Variants in TJP3 observed in about 807,000 individuals in gnomAD.
The protein encoded by TJP3 is tight junction protein ZO-3.
TJP3 carries 85 observed loss-of-function variants against 104.2 expected under a neutral mutation model. The ratio of observed to expected loss-of-function variants is 0.82; its 90% CI spans 0.68 to 0.98. TJP3 has a LOEUF of 0.98. Ranked by LOEUF, TJP3 falls within the 50% of genes least tolerant of loss-of-function variation. The probability of loss-of-function intolerance (pLI) is 0.00; values close to 1 mark genes in which losing one functional copy is unlikely to be tolerated. For missense variants in TJP3, 1,367 were observed against 1,322.8 expected, an observed-to-expected ratio of 1.03 and a Z score of -0.52; for synonymous variants, 550 against 550.6, an observed-to-expected ratio of 1.00 and a Z score of 0.02.
chr19:3,717,585 G>A (rs1192468171), intron 1 of TJP3, among the ~76,000 whole-genome samples: 3 of 151,816 alleles, frequency 2.0e-5, no homozygotes, highest in Non-Finnish European at 2.9e-5. Flanking sequence ...ACAGGCGCCT[G>A]CCACCATCCT....
intron 1 of TJP3, among the ~76,000 whole-genome samples, chr19:3,724,655 G>A (rs1478969242): frequency 6.6e-6 from 1 of 152,204 alleles, no homozygotes; most frequent in African/African-American, 2.4e-5. Context: ...TTCTGCCTCA[G>A]CCTCTCGAGG....
chr19:3,708,769 G>A (rs78448698), intron 1 of TJP3, among the ~76,000 whole-genome samples: 3,854 of 152,182 alleles, frequency 0.025, 173 homozygotes, highest in African/African-American at 0.087. Context: ...TGCACCTGGC[G>A]GCCTGCCCAG....
Position 3,747,000 on chromosome 19 carries a change from C to A in TJP3, c.2322+124C>A, listed in dbSNP as rs2145705953. 1 of 869,180 alleles carries A rather than the reference C, an allele frequency of 1.2e-6. No homozygotes were observed. 53.8% of individuals were successfully genotyped at this position (869,180 alleles called of 1,614,324 possible). A position where few individuals can be genotyped will look rare whatever the true frequency, so the allele number is the denominator to read the frequency against. On this transcript the variant is annotated intron_variant, in intron 18 of 20. Coordinates refer to ENST00000541714, the MANE Select transcript of TJP3 (RefSeq NM_001267560.2). This position sits in a 1 kb window ranked among gnomAD's most constrained non-coding sequence, Gnocchi z 4.1. Reference sequence around the variant, plus strand: ...CAGGGATCAGGACTGTGGCCAGAGTCAAGATGGGACCTGAGACAAGGGTGT... The same window carrying A: ...CAGGGATCAGGACTGTGGCCAGAGTAAAGATGGGACCTGAGACAAGGGTGT...
At position 3,717,245 on chromosome 19, in the gene TJP3, A is replaced by G. The variant is rs887934119; in HGVS notation, c.-10+8684A>G. 6.2e-5 allele frequency among the ~76,000 whole-genome samples: 9 copies of G among 146,032 alleles called. 1 individual carries two copies. Among genetic ancestry groups the G allele is most frequent in the Non-Finnish European group, 9.2e-5 (6 of 65,216 alleles). On this transcript the variant is annotated intron_variant, in intron 1 of 20. Coordinates refer to ENST00000541714, the MANE Select transcript of TJP3 (RefSeq NM_001267560.2). ...CTCCCAAAGTGCTGGGATTACAGGC[A>G]CGAGCCACCACGCCTGGCCCATGAC...
intron 1 of TJP3, chr19:3,721,767 G>A (rs1244944680): frequency 4.5e-6 from 2 of 442,956 alleles, no homozygotes; most frequent in Non-Finnish European, 7.4e-6. Context: ...GAGGGAGGAG[G>A]ACGAGAGCCC....
chr19:3,723,482 G>C (rs1346509088), intron 1 of TJP3, among the ~76,000 whole-genome samples: 2 of 152,088 alleles, frequency 1.3e-5, no homozygotes, highest in Non-Finnish European at 2.9e-5. Flanking sequence ...ATGATTTTTA[G>C]ATGCCTTGAA....
chr19:3,745,975 C>T lies in TJP3; in HGVS notation c.1940-36C>T, dbSNP rs745506226. 1.9e-6 allele frequency: 3 copies of T among 1,557,040 alleles called. No homozygotes were observed. In the African/African-American group the frequency reaches 4.1e-5, roughly 21 times the overall value. ...ATGAATTTGAGGGGACGGGGGCTGC[C>T]CTCCTGAAGCTGCTGGTCCTCTCTG... On this transcript the variant is annotated intron_variant, in intron 15 of 20. Transcript: ENST00000541714.
chr19:3,744,174 C>A (rs1181067653), intron 15 of TJP3, 140 bp downstream of exon 15: 5 of 676,302 alleles, frequency 7.4e-6, no homozygotes, highest in African/African-American at 5.3e-5. Flanking sequence ...AATACCCAAG[C>A]CAGACATCCT....
At position 3,730,939 on chromosome 19, in the gene TJP3, C is replaced by T. The variant is rs1471023090; in HGVS notation, c.613+233C>T. ...CAGGTGATTCACCCACCTCGGCCTCCCATAGTGCTTGCTGGGATTGTGGGC... is the reference window on the plus strand; with the variant it reads ...CAGGTGATTCACCCACCTCGGCCTCTCATAGTGCTTGCTGGGATTGTGGGC... On this transcript the variant is annotated intron_variant, in intron 5 of 20. Coordinates refer to ENST00000541714, the MANE Select transcript of TJP3 (RefSeq NM_001267560.2). This position sits in a 1 kb window ranked among gnomAD's most constrained non-coding sequence, Gnocchi z 7.3. Among the ~76,000 whole-genome samples the T allele has an allele frequency of 6.6e-6, 1 of 152,182 alleles. No individual in the cohort carries two copies. Among genetic ancestry groups the T allele is most frequent in the Admixed American group, 6.5e-5 (1 of 15,274 alleles).
intron 13 of TJP3, among the ~76,000 whole-genome samples, chr19:3,739,936 T>C (rs1008647970): frequency 2.0e-5 from 3 of 151,960 alleles, no homozygotes; most frequent in Non-Finnish European, 4.4e-5. Flanking sequence ...ATAGCATCAG[T>C]TTAATCCCAT....
chr19:3,740,038 C>T (rs1027757758), intron 13 of TJP3, among the ~76,000 whole-genome samples: 1 of 152,000 alleles, frequency 6.6e-6, no homozygotes, highest in African/African-American at 2.4e-5. Flanking sequence ...TTGAGACTAT[C>T]CTGGCCAACA....
At chr19:3,737,501 CA>C (rs1298129524) in intron 11 of TJP3, among the ~76,000 whole-genome samples, 2 of 152,106 alleles carry the variant, frequency 1.3e-5, no homozygotes, top group Non-Finnish European at 2.9e-5. Context: ...GCCTTCATGA[CA>C]GTGTCATAAC....
In TJP3 at chr19:3,730,212, A is replaced by G; in HGVS notation, c.261+82A>G. On this transcript the variant is annotated intron_variant, in intron 4 of 20. Coordinates refer to ENST00000541714, the MANE Select transcript of TJP3 (RefSeq NM_001267560.2). This position sits in a 1 kb window ranked among gnomAD's most constrained non-coding sequence, Gnocchi z 7.3. ...GCTGTGGGGGTTGTAAGCTTCTGAG[A>G]GCAAGGAGTCATCTTCTCATCTTAC... The G allele has an allele frequency of 6.5e-7, 1 of 1,542,024 alleles. No individual in the cohort carries two copies. The highest frequency in any genetic ancestry group is 8.9e-7 in the Non-Finnish European group (1 of 1,117,830).
intron 10 of TJP3, 66 bp downstream of exon 10, chr19:3,736,001 G>A (rs1599156402): frequency 6.2e-7 from 1 of 1,601,874 alleles, no homozygotes; most frequent in Non-Finnish European, 8.6e-7. Context: ...TCCCTCATCA[G>A]CGCAATCCTG....
intron 1 of TJP3, among the ~76,000 whole-genome samples, chr19:3,724,618 C>G (rs1474584598): frequency 6.6e-6 from 1 of 152,162 alleles, no homozygotes; most frequent in Non-Finnish European, 1.5e-5. Context: ...TTCACTGCAG[C>G]CTCGACCTCC....
At chr19:3,727,438 A>C (rs1344412452) in intron 1 of TJP3, among the ~76,000 whole-genome samples, 1 of 148,742 alleles carries the variant, frequency 6.7e-6, no homozygotes, top group Admixed American at 6.8e-5. Flanking sequence ...AGCCAAGATC[A>C]CGCCATTGCA....
chr19:3,736,293 G>A lies in TJP3; in HGVS notation c.1256G>A (p.Gly419Asp), dbSNP rs1243260183. Reference protein sequence around the residue: ...VQAGSPADGQGIQEGDQILQV... With the variant: ...VQAGSPADGQDIQEGDQILQV... Reference sequence around the variant, plus strand: ...GCGGGCAGCCCGGCCGACGGGCAGGGCATCCAGGAGGGAGATCAGATTCTG... The same window carrying A: ...GCGGGCAGCCCGGCCGACGGGCAGGACATCCAGGAGGGAGATCAGATTCTG... The change falls in exon 11 of 21, where the codon GGC (glycine) becomes GAC (aspartate). Residue 419 changes from glycine (G) to aspartate (D), a missense_variant. Gly to Asp is a moderately conservative substitution (Grantham distance 94). Transcript: ENST00000541714. 3 of 1,538,490 alleles carry A rather than the reference G, an allele frequency of 1.9e-6. No homozygotes were observed. Among genetic ancestry groups the A allele is most frequent in the South Asian group, 1.3e-5 (1 of 78,868 alleles).
intron 6 of TJP3, among the ~76,000 whole-genome samples, chr19:3,733,426 G>C (rs11668753): frequency 1.3e-5 from 2 of 152,186 alleles, no homozygotes; most frequent in Non-Finnish European, 2.9e-5. Flanking sequence ...AGTTAGAGTT[G>C]TTTATAATGT....
At chr19:3,734,251 T>C in intron 7 of TJP3, 76 bp from the exon 8 acceptor site, 1 of 1,435,934 alleles carries the variant, frequency 7.0e-7, no homozygotes, top group Non-Finnish European at 9.7e-7. Context: ...AGAGGGGTGT[T>C]GATATACCCC....
Sources: gnomAD v4.1 joint callset for allele counts (sites outside exome capture counted in the v4.1 genomes callset) on GRCh38, gnomAD v4.1.1 for gene constraint, Gnocchi (gnomAD v3.1) non-coding constraint, MANE v1.5 for transcripts, NCBI Gene and HGNC (gene_info 2026-07-23, HGNC 2026-07-21) for gene names.